PRR16: variants seen among roughly 807,000 people sequenced by gnomAD.
PRR16 encodes the protein proline rich 16, also known as protein Largen.
PRR16 carries 6 observed loss-of-function variants against 18.2 expected under a neutral mutation model. The observed-to-expected ratio is 0.33, with a 90% CI of 0.18 to 0.65. The LOEUF is 0.65. Among genes scored for constraint, PRR16 ranks in the 30% least tolerant of loss-of-function variants. The pLI is 0.74. For synonymous variants in PRR16, 151 were observed against 147.8 expected, an observed-to-expected ratio of 1.02 and a Z score of -0.16; for missense variants, 412 against 376.6, an observed-to-expected ratio of 1.09 and a Z score of -0.78.
intron 1 of PRR16, among the ~76,000 whole-genome samples, chr5:120,602,186 T>C (rs1035497294): frequency 2.6e-5 from 4 of 152,202 alleles, no homozygotes; most frequent in South Asian, 2.1e-4. Flanking sequence ...ATTGATTCTT[T>C]CTATTCATGA....
At chr5:120,748,596 G>A in the PRR16 span, among the ~76,000 whole-genome samples, 1 of 152,080 alleles carries the variant, frequency 6.6e-6, no homozygotes, top group African/African-American at 2.4e-5. Context: ...AAGGTCTTAT[G>A]AAACATTTGG....
chr5:120,714,807 C>A, the PRR16 span, among the ~76,000 whole-genome samples: 3 of 152,028 alleles, frequency 2.0e-5, no homozygotes, highest in South Asian at 6.2e-4. Context: ...TACTATCCAG[C>A]ATAAAAAGGA....
At chr5:120,684,768 T>C (rs1359880793) in intron 1 of PRR16, among the ~76,000 whole-genome samples, 2 of 152,182 alleles carry the variant, frequency 1.3e-5, no homozygotes, top group East Asian at 3.9e-4. Flanking sequence ...TTATGGGAGA[T>C]GTCAGACTCC....
At chr5:120,499,801 G>T (rs1361960592) in intron 1 of PRR16, among the ~76,000 whole-genome samples, 1 of 149,990 alleles carries the variant, frequency 6.7e-6, no homozygotes, top group Non-Finnish European at 1.5e-5. Flanking sequence ...GGATCTTCCT[G>T]GTTCTTGGTG....
the PRR16 span, among the ~76,000 whole-genome samples, chr5:120,701,254 T>G: frequency 8.5e-5 from 13 of 152,236 alleles, no homozygotes; most frequent in African/African-American, 3.1e-4. Flanking sequence ...GAATTTAATT[T>G]TTGGAGTTTT....
At position 120,658,620 on chromosome 5, in the gene PRR16, A is replaced by G. The variant is rs1030157351; in HGVS notation, c.160-27334A>G. The stretch of plus-strand genomic sequence containing the variant: ...TGTCTAGTAGAAGCTTTGAAATTTG[A>G]TGAAAGACAAAAATAAGATACTACA... On this transcript the variant is annotated intron_variant, in intron 1 of 1. Coordinates refer to ENST00000407149, the MANE Select transcript of PRR16 (RefSeq NM_001300783.2). 1.5e-4 allele frequency among the ~76,000 whole-genome samples: 23 copies of G among 151,890 alleles called. No homozygotes were observed. The Admixed American group carries it at 1.5e-3, about 10-fold the overall frequency.
chr5:120,549,263 T>C (rs1431822644), intron 1 of PRR16, among the ~76,000 whole-genome samples: 2 of 152,054 alleles, frequency 1.3e-5, no homozygotes, highest in African/African-American at 2.4e-5. Context: ...ACCCAGCTAA[T>C]TTTTTTGTTT....
At chr5:120,497,644 T>C (rs10060164) in intron 1 of PRR16, among the ~76,000 whole-genome samples, 44,966 of 151,448 alleles carry the variant, frequency 0.3, 7,790 homozygotes, top group African/African-American at 0.48. Flanking sequence ...CCACCTCAGC[T>C]TCCCAAAGTC....
At chr5:120,786,084 TTTTG>T in the PRR16 span, among the ~76,000 whole-genome samples, 1 of 133,476 alleles carries the variant, frequency 7.5e-6, no homozygotes, top group African/African-American at 2.5e-5. Flanking sequence ...GGAAGAAAGC[TTTTG>T]TTTTTTTTTT....
chr5:120,556,548 G>A (rs58655777), intron 1 of PRR16, among the ~76,000 whole-genome samples: 1 of 151,830 alleles, frequency 6.6e-6, no homozygotes, highest in African/African-American at 2.4e-5. Flanking sequence ...ATAGCCTGTA[G>A]ATACTCATTT....
At chr5:120,643,734 G>A (rs1755499102) in intron 1 of PRR16, among the ~76,000 whole-genome samples, 1 of 152,088 alleles carries the variant, frequency 6.6e-6, no homozygotes, top group Admixed American at 6.6e-5. Flanking sequence ...GCTGGGCATG[G>A]TGGCTCACAC....
intron 1 of PRR16, among the ~76,000 whole-genome samples, chr5:120,626,860 C>G (rs906667550): frequency 1.3e-5 from 2 of 152,098 alleles, no homozygotes; most frequent in African/African-American, 4.8e-5. Context: ...GAATTTGATA[C>G]TGACCTTATT....
At chr5:120,696,987 A>T in the PRR16 span, among the ~76,000 whole-genome samples, 1 of 149,066 alleles carries the variant, frequency 6.7e-6, no homozygotes, top group Admixed American at 6.7e-5. Context: ...GAAAATAAAA[A>T]GTTAGGCCCT....
intron 1 of PRR16, among the ~76,000 whole-genome samples, chr5:120,578,727 T>A (rs1166149569): frequency 6.6e-6 from 1 of 152,222 alleles, no homozygotes; most frequent in Non-Finnish European, 1.5e-5. Context: ...TGTGTCTTTA[T>A]AGTAGAATGA....
At chr5:120,619,739 A>G (rs1446988775) in intron 1 of PRR16, among the ~76,000 whole-genome samples, 1 of 152,126 alleles carries the variant, frequency 6.6e-6, no homozygotes, top group East Asian at 1.9e-4. Context: ...CCAAAAATTA[A>G]CAGTCTAAAC....
At chr5:120,514,309 A>ATGAATAGAAC (rs1174725992) in intron 1 of PRR16, among the ~76,000 whole-genome samples, 1 of 152,096 alleles carries the variant, frequency 6.6e-6, no homozygotes, top group Non-Finnish European at 1.5e-5. Context: ...CATTGTCTTG[A>ATGAATAGAAC]TGAATAGAAC....
the PRR16 span, among the ~76,000 whole-genome samples, chr5:120,777,323 T>TATTA: frequency 6.6e-6 from 1 of 152,122 alleles, no homozygotes; most frequent in East Asian, 1.9e-4. Flanking sequence ...TAAATACGCT[T>TATTA]ATTACTTAAC....
At chr5:120,495,330 G>A (rs1750207687) in intron 1 of PRR16, among the ~76,000 whole-genome samples, 2 of 151,930 alleles carry the variant, frequency 1.3e-5, no homozygotes. Context: ...AAATACATTA[G>A]TCTCTTGGTA....
chr5:120,507,555 G>T (rs757019398), intron 1 of PRR16, among the ~76,000 whole-genome samples: 28 of 151,998 alleles, frequency 1.8e-4, no homozygotes, highest in Non-Finnish European at 1.3e-4. Context: ...AGGAGAGAAC[G>T]ATGACAAAAT....
Sources: gnomAD v4.1 joint callset for allele counts (sites outside exome capture counted in the v4.1 genomes callset) on GRCh38, gnomAD v4.1.1 for gene constraint, MANE v1.5 for transcripts, NCBI Gene and HGNC (gene_info 2026-07-23, HGNC 2026-07-21) for gene names.